The following CADM2 variants were observed in gnomAD, a reference collection of about 807,000 sequenced individuals.
CADM2 encodes the protein cell adhesion molecule 2, also known as immunoglobulin superfamily member 4D.
CADM2 carries 12 observed loss-of-function variants against 49.8 expected under a neutral mutation model. That is an observed-to-expected ratio of 0.24 (90% CI 0.15 to 0.39). CADM2 has a LOEUF of 0.39. Ranked by LOEUF, CADM2 falls within the 10% of genes least tolerant of loss-of-function variation. The probability of loss-of-function intolerance (pLI) is 1.00; values close to 1 mark genes in which losing one functional copy is unlikely to be tolerated. For synonymous variants in CADM2, 214 were observed against 175.4 expected, an observed-to-expected ratio of 1.22 and a Z score of -1.74; for missense variants, 378 against 492.3, an observed-to-expected ratio of 0.77 and a Z score of 2.20.
chr3:85,832,089 C>T (rs1366416166), intron 3 of CADM2, among the ~76,000 whole-genome samples: 1 of 151,910 alleles, frequency 6.6e-6, no homozygotes, highest in Admixed American at 6.6e-5. Context: ...ATTAGGGATT[C>T]CTTTCCCTAT....
intron 3 of CADM2, among the ~76,000 whole-genome samples, chr3:85,849,476 A>G (rs62261725): frequency 0.27 from 40,547 of 152,176 alleles, 6,411 homozygotes; most frequent in East Asian, 0.46. Context: ...GAATTTCAAA[A>G]TAACCTTTTC....
At chr3:85,207,064 G>GTGTGTGTT (rs2041661214) in intron 1 of CADM2, among the ~76,000 whole-genome samples, 1 of 151,638 alleles carries the variant, frequency 6.6e-6, no homozygotes, top group African/African-American at 2.4e-5. Flanking sequence ...GTGTGTGTGT[G>GTGTGTGTT]TGTGTGTGTG....
At chr3:85,336,988 ATATT>A (rs1251329031) in intron 1 of CADM2, among the ~76,000 whole-genome samples, 12 of 117,176 alleles carry the variant, frequency 1.0e-4, no homozygotes, top group African/African-American at 3.5e-4. Context: ...TAATATATAT[ATATT>A]TAATATATAT....
At chr3:85,586,604 A>G (rs1351989889) in intron 1 of CADM2, among the ~76,000 whole-genome samples, 1 of 152,160 alleles carries the variant, frequency 6.6e-6, no homozygotes, top group African/African-American at 2.4e-5. Flanking sequence ...CCCAAATATC[A>G]GTTAAAATAC....
chr3:85,430,613 G>A (rs998259516), intron 1 of CADM2, among the ~76,000 whole-genome samples: 3 of 151,348 alleles, frequency 2.0e-5, no homozygotes, highest in Non-Finnish European at 2.9e-5. Context: ...GAAAGGGGGC[G>A]GTGGGGGGGA....
At chr3:85,665,287 A>G (rs930341021) in intron 1 of CADM2, among the ~76,000 whole-genome samples, 2 of 151,896 alleles carry the variant, frequency 1.3e-5, no homozygotes, top group African/African-American at 4.8e-5. Context: ...TATTTATGTA[A>G]GACGAATTTA....
At chr3:85,042,527 C>G (rs1188997130) in intron 1 of CADM2, among the ~76,000 whole-genome samples, 1 of 151,938 alleles carries the variant, frequency 6.6e-6, no homozygotes, top group South Asian at 2.1e-4. Context: ...TTTAGATGCT[C>G]TGCAATAAAT....
intron 1 of CADM2, among the ~76,000 whole-genome samples, chr3:85,527,115 G>A (rs2106930190): frequency 6.6e-6 from 1 of 152,228 alleles, no homozygotes; most frequent in Non-Finnish European, 1.5e-5. Context: ...GCCAGGCACG[G>A]TGTCTTACAC....
At chr3:85,667,153 T>A (rs1471298183) in intron 1 of CADM2, among the ~76,000 whole-genome samples, 1 of 151,974 alleles carries the variant, frequency 6.6e-6, no homozygotes, top group Non-Finnish European at 1.5e-5. Context: ...TCCATCTCCT[T>A]CTAAGAGTAA....
intron 6 of CADM2, among the ~76,000 whole-genome samples, chr3:85,933,017 C>G (rs546694129): frequency 6.6e-6 from 1 of 152,268 alleles, no homozygotes; most frequent in East Asian, 1.9e-4. Context: ...ATTCTCGCCT[C>G]TCCTGTACTG....
intron 3 of CADM2, among the ~76,000 whole-genome samples, chr3:85,864,962 A>G (rs561500858): frequency 3.9e-5 from 6 of 152,174 alleles, no homozygotes; most frequent in Admixed American, 3.9e-4. Flanking sequence ...ACATTATCTT[A>G]ATCTCTCTAG....
chr3:85,155,547 C>T lies in CADM2; in HGVS notation c.61+195879C>T, dbSNP rs548610106. Among the ~76,000 whole-genome samples the T allele has an allele frequency of 3.3e-5, 5 of 152,132 alleles. No individual in the cohort carries two copies. The East Asian group carries it at 9.7e-4, about 29-fold the overall frequency. On this transcript the variant is annotated intron_variant, in intron 1 of 9. Transcript: ENST00000383699. ...ACAGATCAACGAGACAGAAAGTCAA[C>T]AAGGATACCCAGGAATTGAACTCAG...
chr3:85,405,680 G>T (rs2035337428), intron 1 of CADM2, among the ~76,000 whole-genome samples: 1 of 151,908 alleles, frequency 6.6e-6, no homozygotes, highest in Non-Finnish European at 1.5e-5. Flanking sequence ...TTCCGAGCAA[G>T]GATTTCTTAA....
intron 1 of CADM2, among the ~76,000 whole-genome samples, chr3:85,542,958 C>G (rs577667663): frequency 3.3e-5 from 5 of 152,298 alleles, no homozygotes; most frequent in Non-Finnish European, 7.4e-5. Flanking sequence ...CCAGACCAAT[C>G]AGAACAGAGT....
intron 1 of CADM2, among the ~76,000 whole-genome samples, chr3:85,565,627 A>C (rs971215807): frequency 6.6e-6 from 1 of 152,066 alleles, no homozygotes; most frequent in Non-Finnish European, 1.5e-5. Context: ...AGTCTCTCTA[A>C]GAGGAAAAAA....
chr3:85,877,630 G>A (rs1242779874), intron 3 of CADM2, among the ~76,000 whole-genome samples: 1 of 136,782 alleles, frequency 7.3e-6, no homozygotes, highest in Non-Finnish European at 1.6e-5. Flanking sequence ...GTAGCATGAT[G>A]TTTCTAGCTC....
At chr3:85,450,236 G>C (rs1015180404) in intron 1 of CADM2, among the ~76,000 whole-genome samples, 1 of 152,038 alleles carries the variant, frequency 6.6e-6, no homozygotes, top group Non-Finnish European at 1.5e-5. Context: ...TGTCACATAT[G>C]TTATGGTCTA....
intron 1 of CADM2, among the ~76,000 whole-genome samples, chr3:85,507,222 CACCCAGG>C (rs575142610): frequency 1.8e-3 from 244 of 138,568 alleles, no homozygotes; most frequent in South Asian, 3.2e-3. Flanking sequence ...CTTGCTGTGT[CACCCAGG>C]CTGGAGTGCA....
chr3:85,874,894 T>C (rs1358470211), intron 3 of CADM2, among the ~76,000 whole-genome samples: 1 of 152,156 alleles, frequency 6.6e-6, no homozygotes, highest in East Asian at 1.9e-4. Context: ...TGACTATCTG[T>C]TAACAGTCTT....
Sources: gnomAD v4.1 joint callset for allele counts (sites outside exome capture counted in the v4.1 genomes callset) on GRCh38, gnomAD v4.1.1 for gene constraint, MANE v1.5 for transcripts, NCBI Gene and HGNC (gene_info 2026-07-23, HGNC 2026-07-21) for gene names.